The following SHROOM3 variants were observed in gnomAD, a reference collection of about 807,000 sequenced individuals.
The protein encoded by SHROOM3 is shroom family member 3, also known as protein Shroom3.
In SHROOM3, 47 loss-of-function variants were observed where a neutral mutation model predicts 138.6. That is an observed-to-expected ratio of 0.34 (90% CI 0.27 to 0.43). SHROOM3 has a LOEUF of 0.43. SHROOM3 is among the 20% of genes least tolerant of loss of function. The pLI is 1.00. For synonymous variants in SHROOM3, 1,062 were observed against 1,063.3 expected, an observed-to-expected ratio of 1.00 and a Z score of 0.02; for missense variants, 2,491 against 2,596.5, an observed-to-expected ratio of 0.96 and a Z score of 0.88.
At chr4:76,529,647 G>A (rs760485323) in intron 1 of SHROOM3, among the ~76,000 whole-genome samples, 1 of 152,058 alleles carries the variant, frequency 6.6e-6, no homozygotes, top group African/African-American at 2.4e-5. Context: ...GATGGAGAGT[G>A]GAGGCATAGG....
chr4:76,727,887 C>CAAAAAAAAAAAAA (rs71212446), intron 3 of SHROOM3, among the ~76,000 whole-genome samples: 2 of 96,262 alleles, frequency 2.1e-5, no homozygotes, highest in African/African-American at 3.7e-5. Context: ...GACTCCATCT[C>CAAAAAAAAAAAAA]AAAAAAAAAG....
intron 1 of SHROOM3, among the ~76,000 whole-genome samples, chr4:76,445,613 G>A (rs544109082): frequency 6.6e-6 from 1 of 152,160 alleles, no homozygotes; most frequent in Non-Finnish European, 1.5e-5. Flanking sequence ...TACAGTAAGC[G>A]AGAGAGTAGT....
chr4:76,478,104 T>C (rs10212677), intron 1 of SHROOM3, among the ~76,000 whole-genome samples: 7,354 of 152,174 alleles, frequency 0.048, 207 homozygotes, highest in Middle Eastern at 0.075. Flanking sequence ...ACCCCAGTGG[T>C]GCCTAGAATG....
At chr4:76,580,276 C>T (rs755669120) in intron 2 of SHROOM3, among the ~76,000 whole-genome samples, 1 of 152,148 alleles carries the variant, frequency 6.6e-6, no homozygotes, top group Non-Finnish European at 1.5e-5. Context: ...AATTCTGCTA[C>T]CTGGAAAAAT....
chr4:76,760,885 A>G (rs1404535336), intron 9 of SHROOM3, among the ~76,000 whole-genome samples: 1 of 152,204 alleles, frequency 6.6e-6, no homozygotes, highest in Non-Finnish European at 1.5e-5. Context: ...ACACCCTTAC[A>G]TGTATCACGT....
chr4:76,710,225 C>G lies in SHROOM3; in HGVS notation c.393C>G (p.Thr131=), dbSNP rs765698499. 6.2e-7 allele frequency: 1 copy of G among 1,614,146 alleles called. No individual in the cohort carries two copies. The highest frequency in any genetic ancestry group is 8.5e-7 in the Non-Finnish European group (1 of 1,180,012). Residue 131 remains threonine (T), a synonymous_variant, in exon 3 of 11, where the codon ACC becomes ACG. Transcript: ENST00000296043. ...ASNFVSPEHL[T]SGPQHRKAAW... is the part of the protein sequence containing the mutation. ...ACTTCGTCAGCCCAGAACACCTCAC[C>G]TCTGGCCCCCAGCACAGGAAAGCAG...
intron 2 of SHROOM3, among the ~76,000 whole-genome samples, chr4:76,641,922 A>G (rs1014287119): frequency 1.3e-5 from 2 of 152,250 alleles, no homozygotes; most frequent in East Asian, 3.9e-4. Context: ...TGGGGAGGGG[A>G]AACCGGTCAG....
At chr4:76,710,309 G>C (rs1720193821) in intron 3 of SHROOM3, 22 bp downstream of exon 3, 1 of 1,613,524 alleles carries the variant, frequency 6.2e-7, no homozygotes, top group South Asian at 1.1e-5. Context: ...GGAAGTTGGT[G>C]CTGGCAGTTC....
intron 2 of SHROOM3, among the ~76,000 whole-genome samples, chr4:76,591,523 A>T (rs1028123860): frequency 1.3e-5 from 2 of 151,094 alleles, no homozygotes; most frequent in Non-Finnish European, 3.0e-5. Flanking sequence ...CTATTATTAC[A>T]TAATTCCTGA....
chr4:76,517,096 G>T (rs1732458582), intron 1 of SHROOM3, among the ~76,000 whole-genome samples: 1 of 152,218 alleles, frequency 6.6e-6, no homozygotes, highest in Non-Finnish European at 1.5e-5. Context: ...AAGGATCATT[G>T]CAAGGAGAGC....
At chr4:76,552,119 C>T (rs532311316) in intron 1 of SHROOM3, among the ~76,000 whole-genome samples, 1 of 150,384 alleles carries the variant, frequency 6.6e-6, no homozygotes, top group Non-Finnish European at 1.5e-5. Flanking sequence ...CCTCGGCCCC[C>T]CTAAATTGCT....
intron 4 of SHROOM3, among the ~76,000 whole-genome samples, chr4:76,735,935 T>G (rs1299176936): frequency 7.0e-6 from 1 of 143,438 alleles, no homozygotes; most frequent in Non-Finnish European, 1.5e-5. Context: ...CACTCGATAG[T>G]GTTTCAGTTA....
intron 5 of SHROOM3, among the ~76,000 whole-genome samples, chr4:76,743,613 G>C (rs755752016): frequency 6.6e-6 from 1 of 152,114 alleles, no homozygotes; most frequent in Non-Finnish European, 1.5e-5. Context: ...CCTCTTCATT[G>C]CAGAACAATA....
intron 3 of SHROOM3, chr4:76,716,226 C>G (rs1720368909): frequency 2.9e-5 from 14 of 483,610 alleles, no homozygotes; most frequent in Non-Finnish European, 5.8e-5. Flanking sequence ...TTGCGCTGAG[C>G]TGGGCAAGTT....
rs981710423 is a variant in SHROOM3 at position 76,612,182 on chromosome 4, T to C, written c.323+56419T>C. Among the ~76,000 whole-genome samples the C allele has an allele frequency of 5.9e-5, 9 of 152,198 alleles. No homozygotes were observed. In the East Asian group the frequency reaches 9.6e-4, roughly 16 times the overall value. ...ATGGCAGTATCCAGTAATAATATTA[T>C]ACATCTAAAGGAAGGAGCAAAATTT... is the stretch of plus-strand genomic sequence containing the variant. On this transcript the variant is annotated intron_variant, in intron 2 of 10. Transcript: ENST00000296043.
intron 2 of SHROOM3, among the ~76,000 whole-genome samples, chr4:76,568,527 T>A (rs981718257): frequency 3.9e-5 from 6 of 152,172 alleles, no homozygotes; most frequent in Non-Finnish European, 8.8e-5. Flanking sequence ...AGAAGGATCA[T>A]ATTCGAAGTT....
chr4:76,754,845 G>T lies in SHROOM3; in HGVS notation c.4362G>T (p.Leu1454=). 1 of 1,614,140 alleles carries T rather than the reference G, an allele frequency of 6.2e-7. No homozygotes were observed. The highest frequency in any genetic ancestry group is 1.1e-5 in the South Asian group (1 of 91,082). The part of the protein sequence containing the change: ...EESSAPDFAN[L]KHYQKQQSLP... ...CCTCAGCCCCTGATTTTGCAAACCT[G>T]AAGCACTATCAAAAACAGCAGAGTC... Residue 1454 remains leucine (L), a synonymous_variant, in exon 7 of 11, where the codon CTG becomes CTT. Transcript: ENST00000296043.
In SHROOM3 at chr4:76,740,437, G is replaced by T; in HGVS notation, c.2264G>T (p.Ser755Ile). The T allele has an allele frequency of 6.2e-7, 1 of 1,612,496 alleles. No homozygotes were observed. The highest frequency in any genetic ancestry group is 2.2e-5 in the East Asian group (1 of 44,828). Residue 755 changes from serine to isoleucine, a missense_variant, in exon 5 of 11, where the codon AGT (serine) becomes ATT (isoleucine). Around this residue, in one of 4 missense-constraint regions of SHROOM3, gnomAD observed 1,733 missense variants for 1,661.6 expected, o/e 1.04. Transcript: ENST00000296043. This position sits in a 1 kb window ranked among gnomAD's most constrained non-coding sequence, Gnocchi z 4.0. The part of the protein sequence containing the change: ...PPAPSHPHTS[S>I]LGRRGPGPGS... ...GCCCCCTCGCACCCGCACACATCCA[G>T]TCTGGGCCGGAGGGGGCCCGGCCCA...
At chr4:76,543,941 G>A (rs927286064) in intron 1 of SHROOM3, among the ~76,000 whole-genome samples, 1 of 152,164 alleles carries the variant, frequency 6.6e-6, no homozygotes. Context: ...AGAAAGACTG[G>A]TATTTACCTT....
Sources: gnomAD v4.1 joint callset for allele counts (sites outside exome capture counted in the v4.1 genomes callset) on GRCh38, gnomAD v4.1.1 for gene constraint, gnomAD v4.1.1 regional missense constraint, Gnocchi (gnomAD v3.1) non-coding constraint, MANE v1.5 for transcripts, NCBI Gene and HGNC (gene_info 2026-07-23, HGNC 2026-07-21) for gene names.